Variants in ELP3 observed in about 807,000 individuals in gnomAD.
ELP3 encodes the protein elongator complex protein 3.
A neutral mutation model predicts 74.9 loss-of-function variants in ELP3; 56 were observed. That is an observed-to-expected ratio of 0.75 (90% CI 0.60 to 0.93). The LOEUF (loss-of-function observed/expected upper bound fraction) is 0.93, where lower values mean the gene tolerates loss of function less well. Among genes scored for constraint, ELP3 ranks in the 40% least tolerant of loss-of-function variants. The probability of loss-of-function intolerance (pLI) is 0.00; values close to 1 mark genes in which losing one functional copy is unlikely to be tolerated. For missense variants in ELP3, 573 were observed against 686.5 expected (o/e 0.83, Z 1.85); for synonymous variants, 222 against 239.8 (o/e 0.93, Z 0.68).
chr8:28,163,497 TG>T (rs1563282333), intron 14 of ELP3, among the ~76,000 whole-genome samples: 1 of 152,062 alleles, frequency 6.6e-6, no homozygotes, highest in East Asian at 1.9e-4. Flanking sequence ...TTGAGGTTTT[TG>T]GCATTATCCA....
intron 7 of ELP3, 122 bp from the exon 8 acceptor site, chr8:28,129,380 C>A: frequency 2.0e-6 from 2 of 983,672 alleles, no homozygotes; most frequent in Non-Finnish European, 3.0e-6. Flanking sequence ...GGCAGCCTGG[C>A]TCCAGAGCCT....
At chr8:28,146,891 C>T (rs1813454874) in intron 10 of ELP3, among the ~76,000 whole-genome samples, 1 of 152,172 alleles carries the variant, frequency 6.6e-6, no homozygotes, top group Non-Finnish European at 1.5e-5. Context: ...AATTTGAGGA[C>T]ATTTGTGAAT....
At chr8:28,179,668 A>C (rs993596667) in intron 14 of ELP3, among the ~76,000 whole-genome samples, 8 of 152,214 alleles carry the variant, frequency 5.3e-5, no homozygotes, top group Non-Finnish European at 1.2e-4. Context: ...TCTGGGGATG[A>C]TGGGAGGCAG....
chr8:28,092,091 T>C (rs775942324), upstream of ELP3, among the ~76,000 whole-genome samples: 3 of 152,208 alleles, frequency 2.0e-5, no homozygotes, highest in Admixed American at 6.5e-5. Flanking sequence ...GTAAAGACTC[T>C]GCCACTCACA....
At chr8:28,143,704 A>G (rs12544289) in intron 10 of ELP3, among the ~76,000 whole-genome samples, 28,274 of 152,168 alleles carry the variant, frequency 0.19, 2,749 homozygotes, top group East Asian at 0.26. Flanking sequence ...AAATGTAATT[A>G]TCCTGGCCTC....
In ELP3 at chr8:28,190,023, C is replaced by T. The variant is rs573599971; in HGVS notation, c.*298C>T. On this transcript the variant is annotated 3_prime_UTR_variant, in exon 15 of 15. Transcript: ENST00000256398. ...TGCAGGTGGCCTATTTTGACTCAGA[C>T]GGTGAAAAAAGCAAATTAACTCATT... is the stretch of plus-strand genomic sequence containing the variant. The T allele has an allele frequency of 2.9e-5, 8 of 275,392 alleles. No homozygotes were observed. Among genetic ancestry groups the T allele is most frequent in the Admixed American group, 4.8e-5 (1 of 20,684 alleles). The allele number at this position is 275,392 out of a possible 1,614,324, so 17.1% of individuals were successfully genotyped here.
chr8:28,116,755 C>A lies in ELP3; in HGVS notation c.617+3582C>A, dbSNP rs544215526. Among the ~76,000 whole-genome samples, 94 of 151,784 alleles carry A rather than the reference C, an allele frequency of 6.2e-4. 1 individual carries two copies. The South Asian group carries it at 0.013, about 22-fold the overall frequency. On this transcript the variant is annotated intron_variant, in intron 7 of 14. Transcript: ENST00000256398. ...CTGTGTCTCAAAAAACAAACAACAA[C>A]AAAAAAAACTGATCATTAATATGAG...
chr8:28,162,180 C>T (rs1016264629), intron 14 of ELP3, 102 bp downstream of exon 14: 5 of 1,209,128 alleles, frequency 4.1e-6, no homozygotes, highest in East Asian at 2.4e-5. Context: ...ATGGTTATTA[C>T]GTTCAAAATT....
At chr8:28,188,055 C>T (rs183171703) in intron 14 of ELP3, among the ~76,000 whole-genome samples, 3 of 152,232 alleles carry the variant, frequency 2.0e-5, no homozygotes, top group Admixed American at 1.3e-4. Context: ...AGGAGATGCA[C>T]TTCTCCAAAG....
chr8:28,100,610 G>C (rs1162750750), intron 3 of ELP3, among the ~76,000 whole-genome samples: 2 of 152,232 alleles, frequency 1.3e-5, no homozygotes, highest in Non-Finnish European at 2.9e-5. Context: ...TTTGGGATCA[G>C]CTTGTAAAAA....
chr8:28,093,550 T>G (rs2130329880), intron 1 of ELP3: 2 of 416,784 alleles, frequency 4.8e-6, no homozygotes, highest in East Asian at 9.1e-5. Flanking sequence ...ACTTTTCATT[T>G]GTTAAGATTT....
intron 14 of ELP3, among the ~76,000 whole-genome samples, chr8:28,164,831 G>A (rs1340751237): frequency 6.6e-6 from 1 of 152,134 alleles, no homozygotes; most frequent in Non-Finnish European, 1.5e-5. Flanking sequence ...TGTTTTTAAT[G>A]TTGTGTTTTT....
In ELP3 at chr8:28,097,254, A is replaced by G. The variant is rs771468946; in HGVS notation, c.55A>G (p.Ile19Val). 7.4e-6 allele frequency: 12 copies of G among 1,613,814 alleles called. No homozygotes were observed. Among genetic ancestry groups the G allele is most frequent in the African/African-American group, 2.7e-5 (2 of 74,928 alleles). ...CCCTGCTGAGCTGATGATGCTGACT[A>G]TAGGAGATGTTATTAAACAACTGAT... The part of the protein sequence containing the change: ...LSPAELMMLT[I>V]GDVIKQLIEA... The change falls in exon 2 of 15, where the codon ATA becomes GTA. Residue 19 changes from isoleucine (I) to valine (V), a missense_variant. Coordinates refer to ENST00000256398, the MANE Select transcript of ELP3 (RefSeq NM_018091.6).
intron 14 of ELP3, among the ~76,000 whole-genome samples, chr8:28,181,115 G>A (rs1585758525): frequency 6.6e-6 from 1 of 152,176 alleles, no homozygotes; most frequent in East Asian, 1.9e-4. Context: ...ACAACTAAGA[G>A]CTCTTAACAG....
At chr8:28,153,649 A>G (rs2130530155) in intron 10 of ELP3, among the ~76,000 whole-genome samples, 1 of 152,146 alleles carries the variant, frequency 6.6e-6, no homozygotes, top group East Asian at 1.9e-4. Flanking sequence ...TGGGTTCTGC[A>G]GCCCCTTCTG....
intron 2 of ELP3, among the ~76,000 whole-genome samples, 184 bp downstream of exon 2, chr8:28,097,502 T>C (rs1231299214): frequency 6.6e-6 from 1 of 151,984 alleles, no homozygotes; most frequent in Non-Finnish European, 1.5e-5. Context: ...GTTAACGCCA[T>C]TCTCCTGCCT....
chr8:28,135,284 C>T (rs1812942045), intron 9 of ELP3, among the ~76,000 whole-genome samples: 2 of 152,196 alleles, frequency 1.3e-5, no homozygotes, highest in Non-Finnish European at 2.9e-5. Context: ...ATGGCAAGGC[C>T]TGTGTGCCTA....
chr8:28,122,934 G>C (rs1490267841), intron 7 of ELP3, among the ~76,000 whole-genome samples: 1 of 152,166 alleles, frequency 6.6e-6, no homozygotes, highest in African/African-American at 2.4e-5. Flanking sequence ...GACCAGCCTG[G>C]CCAACATGGC....
intron 9 of ELP3, among the ~76,000 whole-genome samples, chr8:28,133,745 G>C (rs151003587): frequency 6.6e-6 from 1 of 152,286 alleles, no homozygotes; most frequent in Non-Finnish European, 1.5e-5. Context: ...CTCTCAAGAA[G>C]TTTACTTTTA....
Sources: gnomAD v4.1 joint callset for allele counts (sites outside exome capture counted in the v4.1 genomes callset) on GRCh38, gnomAD v4.1.1 for gene constraint, MANE v1.5 for transcripts, NCBI Gene and HGNC (gene_info 2026-07-23, HGNC 2026-07-21) for gene names.